Variants in COL23A1 observed in about 807,000 individuals in gnomAD.
COL23A1 encodes the protein collagen type XXIII alpha 1 chain, also known as collagen alpha-1(XXIII) chain.
COL23A1 carries 97 observed loss-of-function variants against 99.3 expected under a neutral mutation model. The ratio of observed to expected loss-of-function variants is 0.98; its 90% CI spans 0.83 to 1.16. The LOEUF (loss-of-function observed/expected upper bound fraction) is 1.16, where lower values mean the gene tolerates loss of function less well. COL23A1 is among the 50% of genes most tolerant of loss of function. The pLI, the probability that COL23A1 is intolerant of heterozygous loss-of-function variation, is 0.00. For synonymous variants in COL23A1, 320 were observed against 308.2 expected, an observed-to-expected ratio of 1.04 and a Z score of -0.40; for missense variants, 762 against 757.4, an observed-to-expected ratio of 1.01 and a Z score of -0.07.
rs751764172 is a variant in COL23A1, at chr5:178,280,349, T to G, written c.441+7975A>C. 3.3e-5 allele frequency among the ~76,000 whole-genome samples: 5 copies of G among 152,128 alleles called. No homozygotes were observed. Among genetic ancestry groups the G allele is most frequent in the Non-Finnish European group, 7.4e-5 (5 of 68,018 alleles). On this transcript the variant is annotated intron_variant, in intron 5 of 28. Transcript: ENST00000390654. The surrounding 1 kb of genome is among the most constrained non-coding windows in gnomAD (Gnocchi z 4.9). The stretch of plus-strand genomic sequence containing the variant: ...GGGAACGGTCCCTGAACCCAGTCCG[T>G]GTGCCCAACTCTGAAGCTCTCCTGC...
At position 178,365,820 on chromosome 5, in the gene COL23A1, C is replaced by T. The variant is rs1205514816; in HGVS notation, c.362-58901G>A. 2.6e-5 allele frequency among the ~76,000 whole-genome samples: 4 copies of T among 152,266 alleles called. No homozygotes were observed. The highest frequency in any genetic ancestry group is 4.8e-5 in the African/African-American group (2 of 41,560). ...GGGGGCCCACTCCCCCTACCCTCAG[C>T]GCTGGGCACTGGCTTGTGATGGTCT... On this transcript the variant is annotated intron_variant, in intron 2 of 28. Coordinates refer to ENST00000390654, the MANE Select transcript of COL23A1 (RefSeq NM_173465.4). This position sits in a 1 kb window ranked among gnomAD's most constrained non-coding sequence, Gnocchi z 5.2.
chr5:178,276,315 C>T (rs1756582723), intron 5 of COL23A1, among the ~76,000 whole-genome samples: 1 of 152,182 alleles, frequency 6.6e-6, no homozygotes, highest in Admixed American at 6.5e-5. Context: ...AGTAAACGCT[C>T]AAATCGGCCA....
intron 2 of COL23A1, among the ~76,000 whole-genome samples, chr5:178,523,193 TATATATATAGAGAG>T (rs1326769654): frequency 1.3e-4 from 10 of 79,996 alleles, no homozygotes; most frequent in African/African-American, 3.5e-4. Flanking sequence ...TATATATATA[TATATATATAGAGAG>T]AGAGAGAGAG....
At chr5:178,358,166 A>C (rs1581220055) in intron 2 of COL23A1, among the ~76,000 whole-genome samples, 1 of 136,228 alleles carries the variant, frequency 7.3e-6, no homozygotes, top group Admixed American at 7.4e-5. Context: ...GTGTATGTCT[A>C]ATGTGTATGT....
chr5:178,440,268 T>C lies in COL23A1; in HGVS notation c.361+120414A>G, dbSNP rs543012399. On this transcript the variant is annotated intron_variant, in intron 2 of 28. Transcript: ENST00000390654. ...TGCTCCACCATCTGCAGATTTGCCT[T>C]TCCGGGACCAACTCCCCAGGACCCA... 9.8e-5 allele frequency among the ~76,000 whole-genome samples: 15 copies of C among 152,294 alleles called. No homozygotes were observed. In the South Asian group the frequency reaches 3.1e-3, roughly 32 times the overall value.
intron 2 of COL23A1, among the ~76,000 whole-genome samples, chr5:178,379,230 T>C (rs1332986825): frequency 2.0e-5 from 3 of 151,918 alleles, no homozygotes; most frequent in Admixed American, 6.6e-5. Context: ...CAAGACATAG[T>C]GATCAACTAA....
intron 2 of COL23A1, among the ~76,000 whole-genome samples, chr5:178,409,279 G>C (rs1764941400): frequency 6.6e-6 from 1 of 152,108 alleles, no homozygotes; most frequent in African/African-American, 2.4e-5. Flanking sequence ...GGATCTCAAG[G>C]GCATCATGCT....
intron 5 of COL23A1, among the ~76,000 whole-genome samples, chr5:178,282,710 G>A (rs1189768453): frequency 6.6e-6 from 1 of 152,214 alleles, no homozygotes; most frequent in East Asian, 1.9e-4. Context: ...TGCGCACCCA[G>A]CAAGCACTCA....
intron 2 of COL23A1, among the ~76,000 whole-genome samples, chr5:178,497,238 C>T (rs912298867): frequency 1.6e-4 from 25 of 152,158 alleles, no homozygotes; most frequent in African/African-American, 6.0e-4. Flanking sequence ...AGGAGCCACG[C>T]GGTCCTAATG....
chr5:178,263,192 C>G lies in COL23A1; in HGVS notation c.639+16G>C, dbSNP rs1765728085. On this transcript the variant is annotated intron_variant, in intron 9 of 28. Coordinates refer to ENST00000390654, the MANE Select transcript of COL23A1 (RefSeq NM_173465.4). Reference sequence around the variant, plus strand: ...TGGTCAAGTCCTGCGTGGCCCAACTCCATGCCCTCTCTTACCGCTGGGCCT... The same window carrying G: ...TGGTCAAGTCCTGCGTGGCCCAACTGCATGCCCTCTCTTACCGCTGGGCCT... 6.3e-7 allele frequency: 1 copy of G among 1,588,842 alleles called. No homozygotes were observed. The highest frequency in any genetic ancestry group is 1.3e-5 in the African/African-American group (1 of 74,316).
chr5:178,425,162 C>T (rs1765844248), intron 2 of COL23A1, among the ~76,000 whole-genome samples: 1 of 152,198 alleles, frequency 6.6e-6, no homozygotes, highest in Non-Finnish European at 1.5e-5. Flanking sequence ...GTGGCTCATG[C>T]CTGTAATCCC....
intron 2 of COL23A1, among the ~76,000 whole-genome samples, chr5:178,394,128 A>C (rs981028018): frequency 2.0e-5 from 3 of 152,182 alleles, no homozygotes; most frequent in Admixed American, 2.0e-4. Flanking sequence ...TCAGGGAGGA[A>C]GCAGAGGCAG....
chr5:178,300,666 C>T (rs966877254), intron 3 of COL23A1, among the ~76,000 whole-genome samples: 1 of 151,996 alleles, frequency 6.6e-6, no homozygotes, highest in Non-Finnish European at 1.5e-5. Flanking sequence ...TCAAGCAACT[C>T]TCGTGCCTCA....
At chr5:178,518,012 T>C (rs1237239713) in intron 2 of COL23A1, among the ~76,000 whole-genome samples, 5 of 128,950 alleles carry the variant, frequency 3.9e-5, no homozygotes, top group Admixed American at 3.7e-4. Flanking sequence ...TGAACAAAGA[T>C]CTCTGGTTTT....
chr5:178,464,527 G>T (rs929450751), intron 2 of COL23A1, among the ~76,000 whole-genome samples: 1 of 152,170 alleles, frequency 6.6e-6, no homozygotes, highest in Non-Finnish European at 1.5e-5. Context: ...TCTTCCTGGT[G>T]TAACACACAT....
chr5:178,532,833 A>G (rs911950556), intron 2 of COL23A1, among the ~76,000 whole-genome samples: 1 of 152,198 alleles, frequency 6.6e-6, no homozygotes, highest in Non-Finnish European at 1.5e-5. Flanking sequence ...TCTTTCTGAC[A>G]CGTGAGGATG....
chr5:178,475,196 T>A (rs1203139520), intron 2 of COL23A1, among the ~76,000 whole-genome samples: 1 of 152,212 alleles, frequency 6.6e-6, no homozygotes, highest in Non-Finnish European at 1.5e-5. Context: ...TCTTTCCAAA[T>A]AAGGTCATAT....
chr5:178,303,522 T>C (rs1758182542), intron 3 of COL23A1, among the ~76,000 whole-genome samples: 2 of 152,224 alleles, frequency 1.3e-5, no homozygotes, highest in Non-Finnish European at 2.9e-5. Context: ...ATTCCGCCAT[T>C]CCAGAAGTGC....
Position 178,422,854 on chromosome 5 carries a change from TATAG to T in COL23A1, c.362-115939_362-115936del, listed in dbSNP as rs540649481. On this transcript the variant is annotated intron_variant, in intron 2 of 28. Transcript: ENST00000390654. ...ATTATAAATAATTATAAATCATGAT[TATAG>T]ATAGTCCTTGACTTAATGATGATGT... 1.4e-4 allele frequency among the ~76,000 whole-genome samples: 21 copies of T among 152,330 alleles called. 1 individual carries two copies. In the South Asian group the frequency reaches 4.3e-3, roughly 32 times the overall value.
Sources: gnomAD v4.1 joint callset for allele counts (sites outside exome capture counted in the v4.1 genomes callset) on GRCh38, gnomAD v4.1.1 for gene constraint, Gnocchi (gnomAD v3.1) non-coding constraint, MANE v1.5 for transcripts, NCBI Gene and HGNC (gene_info 2026-07-23, HGNC 2026-07-21) for gene names.